Variants in PPARGC1A observed in about 807,000 individuals in gnomAD.
PPARGC1A encodes peroxisome proliferator-activated receptor gamma coactivator 1-alpha.
PPARGC1A carries 25 observed loss-of-function variants against 88.7 expected under a neutral mutation model. That is an observed-to-expected ratio of 0.28 (90% CI 0.21 to 0.39). The LOEUF (loss-of-function observed/expected upper bound fraction) is 0.39. Ranked by LOEUF, PPARGC1A falls within the 10% of genes least tolerant of loss-of-function variation. PPARGC1A has a pLI of 1.00. For missense variants in PPARGC1A, 880 were observed against 968.7 expected (o/e 0.91, Z 1.22); for synonymous variants, 363 against 355.6 (o/e 1.02, Z -0.24).
At chr4:24,259,020 C>T in the PPARGC1A span, among the ~76,000 whole-genome samples, 1 of 152,172 alleles carries the variant, frequency 6.6e-6, no homozygotes, top group Non-Finnish European at 1.5e-5. Context: ...ATGACAACCA[C>T]TCTAATCAAA....
intron 2 of PPARGC1A, among the ~76,000 whole-genome samples, chr4:23,866,946 G>A (rs958050771): frequency 6.6e-6 from 1 of 152,106 alleles, no homozygotes; most frequent in Non-Finnish European, 1.5e-5. Context: ...CAATGTAGAC[G>A]GGACTTGTTA....
chr4:24,357,683 C>T, the PPARGC1A span, among the ~76,000 whole-genome samples: 4 of 152,222 alleles, frequency 2.6e-5, no homozygotes, highest in South Asian at 2.1e-4. Flanking sequence ...GGGAGAGACC[C>T]GGTGGGAGAT....
At chr4:24,136,560 G>A in the PPARGC1A span, among the ~76,000 whole-genome samples, 21 of 152,108 alleles carry the variant, frequency 1.4e-4, no homozygotes, top group Non-Finnish European at 2.9e-4. Flanking sequence ...GAGAGGGGTC[G>A]CCTTCAGCAG....
the PPARGC1A span, among the ~76,000 whole-genome samples, chr4:24,425,920 C>A: frequency 6.6e-6 from 1 of 152,002 alleles, no homozygotes; most frequent in African/African-American, 2.4e-5. Flanking sequence ...AAATAACAAG[C>A]TTTTACACAC....
chr4:24,456,580 T>C, the PPARGC1A span, among the ~76,000 whole-genome samples: 1 of 152,038 alleles, frequency 6.6e-6, no homozygotes, highest in Admixed American at 6.6e-5. Context: ...AACAGAACAG[T>C]TGGTTGCACC....
the PPARGC1A span, among the ~76,000 whole-genome samples, chr4:24,258,462 C>A: frequency 1.3e-5 from 2 of 152,168 alleles, no homozygotes; most frequent in East Asian, 3.9e-4. Context: ...TTTCCTATGT[C>A]ATTTTCACCA....
chr4:24,103,937 G>A, the PPARGC1A span, among the ~76,000 whole-genome samples: 44 of 152,256 alleles, frequency 2.9e-4, 1 homozygote, highest in Middle Eastern at 0.02. Context: ...TCACCACTCC[G>A]TGGTGAAACA....
the PPARGC1A span, among the ~76,000 whole-genome samples, chr4:24,042,560 T>C: frequency 6.6e-6 from 1 of 152,192 alleles, no homozygotes; most frequent in East Asian, 1.9e-4. Flanking sequence ...CTTAAGCTAT[T>C]CTGTGTGGGA....
intron 10 of PPARGC1A, among the ~76,000 whole-genome samples, chr4:23,802,664 G>A (rs570427631): frequency 6.8e-4 from 82 of 120,486 alleles, no homozygotes; most frequent in African/African-American, 1.3e-3. Flanking sequence ...GCGAGAGAGC[G>A]AGACTCCATC....
the PPARGC1A span, among the ~76,000 whole-genome samples, chr4:24,149,731 G>A: frequency 2.6e-5 from 4 of 152,154 alleles, no homozygotes; most frequent in Non-Finnish European, 5.9e-5. Flanking sequence ...AAATAACTGG[G>A]AACAAATCCC....
chr4:24,317,362 C>A, the PPARGC1A span, among the ~76,000 whole-genome samples: 2 of 151,608 alleles, frequency 1.3e-5, no homozygotes, highest in South Asian at 4.2e-4. Flanking sequence ...CCAGTGAAAC[C>A]CACAGGTAAA....
At chr4:24,056,752 C>A in the PPARGC1A span, among the ~76,000 whole-genome samples, 1 of 152,068 alleles carries the variant, frequency 6.6e-6, no homozygotes, top group Non-Finnish European at 1.5e-5. Context: ...CTTATCATAC[C>A]ACCTCACACC....
chr4:24,076,031 G>A, the PPARGC1A span, among the ~76,000 whole-genome samples: 8 of 152,188 alleles, frequency 5.3e-5, no homozygotes, highest in East Asian at 1.5e-3. Context: ...CATTAGCCAG[G>A]TAATGTAATT....
chr4:23,966,196 G>C, the PPARGC1A span, among the ~76,000 whole-genome samples: 1 of 152,172 alleles, frequency 6.6e-6, no homozygotes, highest in East Asian at 1.9e-4. Flanking sequence ...CAGCAACATA[G>C]AGTCTAGACT....
chr4:23,838,693 T>G (rs192159110), intron 2 of PPARGC1A, among the ~76,000 whole-genome samples: 1 of 152,308 alleles, frequency 6.6e-6, no homozygotes, highest in African/African-American at 2.4e-5. Context: ...CTGGAATTTG[T>G]GGGCCGGTAG....
chr4:24,326,827 T>G, the PPARGC1A span, among the ~76,000 whole-genome samples: 1 of 152,182 alleles, frequency 6.6e-6, no homozygotes, highest in African/African-American at 2.4e-5. Flanking sequence ...ACCTTACTGT[T>G]TTAGCCTAGC....
chr4:24,171,758 A>C, the PPARGC1A span, among the ~76,000 whole-genome samples: 2 of 152,362 alleles, frequency 1.3e-5, no homozygotes, highest in South Asian at 2.1e-4. Context: ...TACTTATGGC[A>C]TTCCATTTTA....
chr4:23,887,131 G>C (rs1034692770), intron 1 of PPARGC1A, among the ~76,000 whole-genome samples: 1 of 152,072 alleles, frequency 6.6e-6, no homozygotes, highest in African/African-American at 2.4e-5. Flanking sequence ...AAAAGACCAG[G>C]TCAATTTGTT....
chr4:23,944,391 G>A, the PPARGC1A span, among the ~76,000 whole-genome samples: 22 of 152,276 alleles, frequency 1.4e-4, no homozygotes, highest in East Asian at 1.2e-3. Context: ...CAGATCCCAC[G>A]TATTTACCTT....
Sources: allele counts gnomAD v4.1 joint callset (sites outside exome capture counted in the v4.1 genomes callset), GRCh38; gene constraint gnomAD v4.1.1; transcripts MANE v1.5; gene names NCBI Gene and HGNC (gene_info 2026-07-23, HGNC 2026-07-21).